The following ZNF124 variants were observed in gnomAD, a reference collection of about 807,000 sequenced individuals.
ZNF124 encodes zinc finger protein 124.
A neutral mutation model predicts 26.6 loss-of-function variants in ZNF124; 25 were observed. The observed-to-expected ratio is 0.94, with a 90% CI of 0.68 to 1.31. ZNF124 has a LOEUF of 1.31. Ranked by LOEUF, ZNF124 falls within the 40% of genes most tolerant of loss-of-function variation. The probability of loss-of-function intolerance (pLI) is 0.00; values close to 1 mark genes in which losing one functional copy is unlikely to be tolerated. For missense variants in ZNF124, 444 were observed against 422.2 expected, an observed-to-expected ratio of 1.05 and a Z score of -0.45; for synonymous variants, 129 against 133.3, an observed-to-expected ratio of 0.97 and a Z score of 0.22.
At chr1:247,169,565 G>A (rs892517258) in intron 1 of ZNF124, among the ~76,000 whole-genome samples, 1 of 152,042 alleles carries the variant, frequency 6.6e-6, no homozygotes, top group Non-Finnish European at 1.5e-5. Flanking sequence ...TCCTGCTCAG[G>A]GAAGTACTCA....
In ZNF124 at chr1:247,159,716, T is replaced by C. The variant is rs369774158; in HGVS notation, c.128A>G (p.Gln43Arg). The C allele has an allele frequency of 2.4e-5, 39 of 1,612,738 alleles. No homozygotes were observed. The highest frequency in any genetic ancestry group is 3.1e-5 in the Non-Finnish European group (37 of 1,179,704). The change falls in exon 2 of 4, where the codon CAG (glutamine) becomes CGG (arginine). Residue 43 changes from glutamine to arginine, a missense_variant. Physicochemically the swap from Gln to Arg is conservative, Grantham distance 43. Transcript: ENST00000543802. Reference protein sequence around the residue: ...SQKNLYRDVMQETFRNLASIG... With the variant: ...SQKNLYRDVMRETFRNLASIG... ...GGAAGCCAGATTCCTGAAGGTTTCC[T>C]GCATCACGTCTCTATAGAGATTCTT...
chr1:247,166,841 C>T (rs1673806407), intron 1 of ZNF124, among the ~76,000 whole-genome samples: 1 of 152,196 alleles, frequency 6.6e-6, no homozygotes, highest in Non-Finnish European at 1.5e-5. Context: ...GAAATCCTCA[C>T]TTAAATACCA....
chr1:247,163,261 C>T (rs142011953), intron 1 of ZNF124, among the ~76,000 whole-genome samples: 27 of 151,596 alleles, frequency 1.8e-4, no homozygotes, highest in Non-Finnish European at 3.2e-4. Context: ...CAAGAGCAGA[C>T]CAACCCCAAA....
chr1:247,127,721 C>T (rs191145534), intron 3 of ZNF124, among the ~76,000 whole-genome samples: 1 of 147,608 alleles, frequency 6.8e-6, no homozygotes, highest in African/African-American at 2.5e-5. Context: ...CCCCTGCTTG[C>T]TCAATCGATC....
At chr1:247,162,342 C>T (rs544901856) in intron 1 of ZNF124, among the ~76,000 whole-genome samples, 27 of 152,238 alleles carry the variant, frequency 1.8e-4, no homozygotes, top group African/African-American at 4.8e-4. Flanking sequence ...CAAAACCAAT[C>T]GTATGCTGTC....
chr1:247,133,905 G>A (rs1335603726), intron 3 of ZNF124, among the ~76,000 whole-genome samples: 2 of 151,982 alleles, frequency 1.3e-5, no homozygotes, highest in East Asian at 1.9e-4. Context: ...CACCCACCTC[G>A]GCCTCCTAAA....
chr1:247,136,452 C>G (rs1197350805), intron 3 of ZNF124, among the ~76,000 whole-genome samples: 2 of 152,078 alleles, frequency 1.3e-5, no homozygotes, highest in African/African-American at 2.4e-5. Flanking sequence ...TGTAAAGGAC[C>G]TCTTCAAGGA....
At chr1:247,140,595 T>G (rs1672602141) in intron 3 of ZNF124, among the ~76,000 whole-genome samples, 1 of 152,252 alleles carries the variant, frequency 6.6e-6, no homozygotes, top group South Asian at 2.1e-4. Context: ...TGTCTGCAGG[T>G]GGGTGTTCCT....
downstream of ZNF124, among the ~76,000 whole-genome samples, chr1:247,151,495 AC>A (rs1672943697): frequency 1.3e-5 from 2 of 151,650 alleles, no homozygotes; most frequent in African/African-American, 4.8e-5. Context: ...AAAAAAAAAA[AC>A]CATGTGTTGG....
At position 247,156,425 on chromosome 1, in the gene ZNF124, G is replaced by T; in HGVS notation, c.*141C>A. 4 of 1,332,596 alleles carry T rather than the reference G, an allele frequency of 3.0e-6. No individual in the cohort carries two copies. The highest frequency in any genetic ancestry group is 3.8e-6 in the Non-Finnish European group (4 of 1,042,892). 82.5% of individuals were successfully genotyped at this position (1,332,596 alleles called of 1,614,324 possible). ...CTTTACCTTATTGCTTATAGTCATA[G>T]GGTTTATCTCCAGTTTGATTCGTTT... On this transcript the variant is annotated 3_prime_UTR_variant, in exon 4 of 4. Transcript: ENST00000543802.
At chr1:247,136,054 A>C (rs187138921) in intron 3 of ZNF124, among the ~76,000 whole-genome samples, 1 of 152,114 alleles carries the variant, frequency 6.6e-6, no homozygotes, top group Non-Finnish European at 1.5e-5. Context: ...ATTTATGACA[A>C]CCCCACAGCC....
downstream of ZNF124, among the ~76,000 whole-genome samples, chr1:247,154,001 CA>C (rs547267744): frequency 9.7e-4 from 147 of 152,274 alleles, 1 homozygote; most frequent in South Asian, 4.2e-4. Flanking sequence ...AGAGAAAAAG[CA>C]GCACAGAAAA....
intron 3 of ZNF124, among the ~76,000 whole-genome samples, chr1:247,134,367 G>A (rs1672437338): frequency 6.6e-6 from 1 of 152,116 alleles, no homozygotes; most frequent in Non-Finnish European, 1.5e-5. Context: ...CCTATCTTAT[G>A]TGCAAAGACA....
chr1:247,159,917 T>C (rs1673380478), intron 1 of ZNF124, 104 bp from the exon 2 acceptor site: 1 of 1,438,670 alleles, frequency 7.0e-7, no homozygotes, highest in Admixed American at 2.4e-5. Flanking sequence ...GAACATTTAT[T>C]CTACTATTTG....
chr1:247,155,245 C>G lies in ZNF124; in HGVS notation c.*1321G>C. 6.6e-6 allele frequency among the ~76,000 whole-genome samples: 1 copy of G among 151,506 alleles called. No homozygotes were observed. Among genetic ancestry groups the G allele is most frequent in the Admixed American group, 6.6e-5 (1 of 15,250 alleles). On this transcript the variant is annotated 3_prime_UTR_variant, in exon 4 of 4. Coordinates refer to ENST00000543802, the MANE Select transcript of ZNF124 (RefSeq NM_001297568.2). ...TACAAATTGACAGCAACTCTATTAG[C>G]AAAGAAAATAGACTCATTTATCAAT...
intron 1 of ZNF124, among the ~76,000 whole-genome samples, chr1:247,164,992 A>T (rs779591148): frequency 6.6e-6 from 1 of 151,444 alleles, no homozygotes; most frequent in Non-Finnish European, 1.5e-5. Flanking sequence ...CTTGAGACGG[A>T]GTCTTGCTCT....
chr1:247,150,929 CAGAA>C (rs1254076364), downstream of ZNF124, among the ~76,000 whole-genome samples: 2 of 151,382 alleles, frequency 1.3e-5, no homozygotes, highest in Non-Finnish European at 2.9e-5. Flanking sequence ...TATTAAAATA[CAGAA>C]AGAGAGAGAC....
Position 247,156,898 on chromosome 1 carries a change from C to T in ZNF124, c.724G>A (p.Ala242Thr), listed in dbSNP as rs759930839. Residue 242 changes from alanine (A) to threonine (T), a missense_variant, in exon 4 of 4, where the codon GCT (alanine) becomes ACT (threonine). Physicochemically the swap from Ala to Thr is moderately conservative, Grantham distance 58. Coordinates refer to ENST00000543802, the MANE Select transcript of ZNF124 (RefSeq NM_001297568.2). ...TGCAAGGAACTGAGACAACTGAAAG[C>T]TTTGCCACATTCCATGCACACATAA... ...KPYVCMECGK[A>T]FSCLSSLQGH... 86 of 1,613,982 alleles carry T rather than the reference C, an allele frequency of 5.3e-5. No homozygotes were observed. The highest frequency in any genetic ancestry group is 6.7e-5 in the Admixed American group (4 of 59,996).
rs1019039643 is a variant in ZNF124, at chr1:247,159,697, C to T, written c.147G>A (p.Leu49=). ...TATTGTGATTCTTACCTATGGAAGC[C>T]AGATTCCTGAAGGTTTCCTGCATCA... ...RDVMQETFRN[L]ASIGNKGEDQ... is the part of the protein sequence containing the mutation. The change falls in exon 2 of 4, where the codon CTG becomes CTA. Residue 49 remains leucine (L), a synonymous_variant. Transcript: ENST00000543802. The T allele has an allele frequency of 5.6e-6, 9 of 1,611,218 alleles. No homozygotes were observed. The East Asian group carries it at 8.9e-5, about 16-fold the overall frequency.
Sources: gnomAD v4.1 joint callset for allele counts (sites outside exome capture counted in the v4.1 genomes callset) on GRCh38, gnomAD v4.1.1 for gene constraint, MANE v1.5 for transcripts, NCBI Gene and HGNC (gene_info 2026-07-23, HGNC 2026-07-21) for gene names.